Variants in RNF220 observed in about 807,000 individuals in gnomAD.
RNF220 encodes ring finger protein 220, also known as E3 ubiquitin-protein ligase RNF220.
RNF220 carries 7 observed loss-of-function variants against 67.1 expected under a neutral mutation model. The ratio of observed to expected loss-of-function variants is 0.10; its 90% confidence interval spans 0.06 to 0.20. The LOEUF (loss-of-function observed/expected upper bound fraction) is 0.20. Ranked by LOEUF, RNF220 falls within the 10% of genes least tolerant of loss-of-function variation. RNF220 has a pLI of 1.00. For missense variants in RNF220, 565 were observed against 740.3 expected, an observed-to-expected ratio of 0.76 and a Z score of 2.75; for synonymous variants, 270 against 283.2, an observed-to-expected ratio of 0.95 and a Z score of 0.47.
intron 2 of RNF220, among the ~76,000 whole-genome samples, chr1:44,482,807 G>T (rs1442170172): frequency 6.6e-6 from 1 of 151,618 alleles, no homozygotes; most frequent in African/African-American, 2.4e-5. Flanking sequence ...TTTTAATAGA[G>T]ACAGGGTTTC....
intron 2 of RNF220, among the ~76,000 whole-genome samples, chr1:44,530,511 C>T (rs907379964): frequency 5.1e-5 from 7 of 138,300 alleles, no homozygotes; most frequent in African/African-American, 1.9e-4. Flanking sequence ...TGATAATGCA[C>T]TTTCATGGAG....
intron 2 of RNF220, among the ~76,000 whole-genome samples, chr1:44,516,698 A>G (rs778098188): frequency 6.6e-6 from 1 of 152,162 alleles, no homozygotes; most frequent in Non-Finnish European, 1.5e-5. Context: ...TGTCTATTAT[A>G]TGCCATGTGG....
chr1:44,602,026 G>A lies in RNF220; in HGVS notation c.626-12139G>A, dbSNP rs190552109. 5.3e-5 allele frequency among the ~76,000 whole-genome samples: 8 copies of A among 152,266 alleles called. No individual in the cohort carries two copies. In the East Asian group the frequency reaches 1.5e-3, roughly 29 times the overall value. ...GAGTGCGTGGTGGCTTGGGAGTTGG[G>A]AGAAGGGAAGAGGGAGGAGCAAGTT... On this transcript the variant is annotated intron_variant, in intron 2 of 14. Transcript: ENST00000361799.
intron 2 of RNF220, among the ~76,000 whole-genome samples, chr1:44,492,688 C>T (rs531061145): frequency 5.7e-4 from 87 of 152,084 alleles, no homozygotes; most frequent in African/African-American, 1.7e-3. Context: ...TATATGATTC[C>T]GTTTATATGA....
chr1:44,500,763 G>A (rs1237563238), intron 2 of RNF220, among the ~76,000 whole-genome samples: 3 of 152,134 alleles, frequency 2.0e-5, no homozygotes, highest in Non-Finnish European at 4.4e-5. Context: ...CATTCTAATT[G>A]CCGCTGCTGC....
chr1:44,604,319 G>A (rs987062324), intron 2 of RNF220, among the ~76,000 whole-genome samples: 4 of 152,198 alleles, frequency 2.6e-5, no homozygotes, highest in Non-Finnish European at 5.9e-5. Flanking sequence ...CTAATCCCAG[G>A]GAACTCTGGG....
At chr1:44,436,616 A>G (rs1651001374) in intron 2 of RNF220, among the ~76,000 whole-genome samples, 1 of 151,994 alleles carries the variant, frequency 6.6e-6, no homozygotes, top group Non-Finnish European at 1.5e-5. Context: ...ACAAAACATG[A>G]TTTTCTGGTT....
chr1:44,523,866 G>A (rs2148165179), intron 2 of RNF220, among the ~76,000 whole-genome samples: 1 of 152,320 alleles, frequency 6.6e-6, no homozygotes, highest in East Asian at 1.9e-4. Context: ...TGCAGGTGCA[G>A]ACAAACCTGC....
rs550807113 is a variant in RNF220, at chr1:44,448,518, C to T, written c.625+35796C>T. ...GCTCCAAGCTGCAACTTTCTGATGCCTGCAATTAACCTTGATGACACTGAT... is the reference window on the plus strand; with the variant it reads ...GCTCCAAGCTGCAACTTTCTGATGCTTGCAATTAACCTTGATGACACTGAT... On this transcript the variant is annotated intron_variant, in intron 2 of 14. Coordinates refer to ENST00000361799, the MANE Select transcript of RNF220 (RefSeq NM_018150.4). Among the ~76,000 whole-genome samples the T allele has an allele frequency of 5.8e-4, 89 of 152,296 alleles. 3 individuals carry two copies. In the South Asian group the frequency reaches 0.018, roughly 31 times the overall value.
intron 2 of RNF220, among the ~76,000 whole-genome samples, chr1:44,516,298 T>C (rs1014509412): frequency 1.3e-5 from 2 of 152,104 alleles, no homozygotes; most frequent in Non-Finnish European, 2.9e-5. Context: ...AGTGCTAAGA[T>C]AGATGTAAGA....
intron 2 of RNF220, among the ~76,000 whole-genome samples, chr1:44,579,436 C>T (rs901569305): frequency 2.0e-5 from 3 of 152,150 alleles, no homozygotes; most frequent in Non-Finnish European, 2.9e-5. Flanking sequence ...GACTTGGACC[C>T]CCAGTCTGAG....
At chr1:44,497,375 ATTG>A (rs1657434188) in intron 2 of RNF220, among the ~76,000 whole-genome samples, 1 of 151,048 alleles carries the variant, frequency 6.6e-6, no homozygotes, top group Admixed American at 6.6e-5. Flanking sequence ...AGAGTATTGC[ATTG>A]TTAATACCTG....
At chr1:44,472,705 CCTT>C (rs569128205) in intron 2 of RNF220, among the ~76,000 whole-genome samples, 16 of 152,332 alleles carry the variant, frequency 1.1e-4, no homozygotes, top group South Asian at 8.3e-4. Context: ...CTGTCACTCT[CCTT>C]CTCACACTTT....
chr1:44,547,590 C>T (rs746403763), intron 2 of RNF220, among the ~76,000 whole-genome samples: 10 of 152,078 alleles, frequency 6.6e-5, no homozygotes, highest in Non-Finnish European at 1.5e-4. Flanking sequence ...CTTTGACCCT[C>T]TTCTCTCGGT....
intron 2 of RNF220, among the ~76,000 whole-genome samples, chr1:44,529,908 G>A (rs889541869): frequency 6.6e-6 from 1 of 151,826 alleles, no homozygotes; most frequent in Admixed American, 6.6e-5. Context: ...AAAAAAATTA[G>A]CAGGGCATGG....
intron 5 of RNF220, 102 bp downstream of exon 5, chr1:44,626,500 G>A (rs1573096995): frequency 1.1e-6 from 1 of 900,296 alleles, no homozygotes; most frequent in Non-Finnish European, 1.8e-6. Flanking sequence ...TAGGCCACAG[G>A]AGAGGCCTGA....
intron 2 of RNF220, among the ~76,000 whole-genome samples, chr1:44,420,850 CTA>C (rs1649130484): frequency 1.3e-5 from 2 of 152,202 alleles, no homozygotes; most frequent in Non-Finnish European, 2.9e-5. Context: ...CTCACACATA[CTA>C]AGTATTCAAT....
At chr1:44,486,431 A>G (rs1340286296) in intron 2 of RNF220, among the ~76,000 whole-genome samples, 1 of 152,160 alleles carries the variant, frequency 6.6e-6, no homozygotes, top group East Asian at 1.9e-4. Context: ...TTTAAAAATA[A>G]CTTTAAAATT....
intron 5 of RNF220, among the ~76,000 whole-genome samples, chr1:44,628,001 C>G (rs1212307463): frequency 6.6e-6 from 1 of 152,234 alleles, no homozygotes; most frequent in Non-Finnish European, 1.5e-5. Flanking sequence ...GGGATCCCTG[C>G]TCTCTCTAAG....
Sources: allele counts gnomAD v4.1 joint callset (sites outside exome capture counted in the v4.1 genomes callset), GRCh38; gene constraint gnomAD v4.1.1; transcripts MANE v1.5; gene names NCBI Gene and HGNC (gene_info 2026-07-23, HGNC 2026-07-21).